Variants in XIRP2 observed in about 807,000 individuals in gnomAD.
XIRP2 encodes xin actin-binding repeat-containing protein 2.
A neutral mutation model predicts 277.0 loss-of-function variants in XIRP2; 236 were observed. The observed-to-expected ratio is 0.85, with a 90% CI of 0.77 to 0.95. The LOEUF (loss-of-function observed/expected upper bound fraction) is 0.95, where lower values mean the gene tolerates loss of function less well. XIRP2 is among the 40% of genes least tolerant of loss of function. XIRP2 has a pLI of 0.00. For synonymous variants in XIRP2, 1,490 were observed against 1,416.5 expected, an observed-to-expected ratio of 1.05 and a Z score of -1.17; for missense variants, 4,640 against 4,157.5, an observed-to-expected ratio of 1.12 and a Z score of -3.19.
Position 167,250,210 on chromosome 2 carries a change from G to A in XIRP2, c.8818G>A (p.Gly2940Ser). Residue 2940 changes from glycine (G) to serine (S), a missense_variant, in exon 9 of 11, where the codon GGT becomes AGT. Gly to Ser is a moderately conservative substitution (Grantham distance 56). Coordinates refer to ENST00000409195, the MANE Select transcript of XIRP2 (RefSeq NM_152381.6). Reference protein sequence around the residue: ...VKESQRDDGKGALNIVEFLRK... With the variant: ...VKESQRDDGKSALNIVEFLRK... ...AGAATCCCAGCGGGATGATGGAAAAGGTGCCTTAAATATAGTGGAATTCTT... is the reference window on the plus strand; with the variant it reads ...AGAATCCCAGCGGGATGATGGAAAAAGTGCCTTAAATATAGTGGAATTCTT... 1 of 1,613,544 alleles carries A rather than the reference G, an allele frequency of 6.2e-7. No individual in the cohort carries two copies. The highest frequency in any genetic ancestry group is 8.5e-7 in the Non-Finnish European group (1 of 1,179,688).
chr2:166,946,327 T>C (rs1685861905), intron 2 of XIRP2, among the ~76,000 whole-genome samples: 1 of 152,336 alleles, frequency 6.6e-6, no homozygotes, highest in Non-Finnish European at 1.5e-5. Context: ...ATAAGAGCAC[T>C]GTGTCCTTAG....
intron 2 of XIRP2, among the ~76,000 whole-genome samples, chr2:167,071,449 C>T (rs968095851): frequency 1.3e-5 from 2 of 152,146 alleles, no homozygotes; most frequent in African/African-American, 4.8e-5. Context: ...AACAAGCCTG[C>T]CAAGACACCT....
At chr2:167,240,766 C>T (rs1435178325) in intron 7 of XIRP2, 30 bp downstream of exon 7, 9 of 1,565,460 alleles carry the variant, frequency 5.7e-6, no homozygotes, top group Non-Finnish European at 7.9e-6. Flanking sequence ...GGTTCCAATA[C>T]TCCTTTCTCC....
In XIRP2 at chr2:167,218,299, A is replaced by C; in HGVS notation, c.857A>C (p.Gln286Pro). ...YQYQHQNRSE[Q>P]EAIHSSQVGT... is the part of the protein sequence containing the mutation. ...TATCAACATCAGAACAGATCTGAGC[A>C]GGTAATACTACTACAGGTGATGGGT... Residue 286 changes from glutamine (Q) to proline (P), a missense_variant and splice_region_variant, in exon 5 of 11, where the codon CAG (glutamine) becomes CCG (proline). Transcript: ENST00000409195. The C allele has an allele frequency of 6.6e-7, 1 of 1,509,564 alleles. No individual in the cohort carries two copies. Among genetic ancestry groups the C allele is most frequent in the Non-Finnish European group, 8.9e-7 (1 of 1,124,380 alleles). The allele number at this position is 1,509,564 out of a possible 1,614,324, so 93.5% of individuals were successfully genotyped here.
At chr2:167,050,483 T>C (rs1010369967) in intron 2 of XIRP2, among the ~76,000 whole-genome samples, 3 of 151,950 alleles carry the variant, frequency 2.0e-5, no homozygotes, top group Non-Finnish European at 4.4e-5. Flanking sequence ...AGTATGAAAA[T>C]TGGATTGCAT....
At chr2:167,213,197 G>A (rs1350118088) in intron 4 of XIRP2, among the ~76,000 whole-genome samples, 1 of 152,156 alleles carries the variant, frequency 6.6e-6, no homozygotes, top group Non-Finnish European at 1.5e-5. Flanking sequence ...AGTAACACTT[G>A]TTGAGCAATG....
chr2:167,194,520 C>G (rs147147522), intron 3 of XIRP2, among the ~76,000 whole-genome samples: 1 of 152,132 alleles, frequency 6.6e-6, no homozygotes, highest in Non-Finnish European at 1.5e-5. Context: ...GTAACCCCAG[C>G]ATTATAACCA....
At chr2:167,136,095 A>T (rs774588506) in intron 3 of XIRP2, 33 bp downstream of exon 3, 1 of 1,556,056 alleles carries the variant, frequency 6.4e-7, no homozygotes, top group Admixed American at 2.0e-5. Flanking sequence ...CTTTCTTGAC[A>T]TCATACCTTG....
intron 3 of XIRP2, among the ~76,000 whole-genome samples, chr2:167,203,255 A>G (rs1693771536): frequency 6.6e-6 from 1 of 152,196 alleles, no homozygotes; most frequent in Non-Finnish European, 1.5e-5. Context: ...TCTTCCTCTA[A>G]CAGGCAACTG....
chr2:167,179,785 ATGT>A (rs1692960615), intron 3 of XIRP2, among the ~76,000 whole-genome samples: 1 of 152,006 alleles, frequency 6.6e-6, no homozygotes, highest in African/African-American at 2.4e-5. Flanking sequence ...GACTATAGGC[ATGT>A]GCCACTGCAC....
chr2:167,032,714 T>C (rs926128095), intron 2 of XIRP2, among the ~76,000 whole-genome samples: 12 of 152,066 alleles, frequency 7.9e-5, no homozygotes, highest in Non-Finnish European at 1.2e-4. Context: ...TCACTGATAT[T>C]AGAGAAATGC....
chr2:167,204,401 T>C (rs1693801409), intron 3 of XIRP2, among the ~76,000 whole-genome samples: 1 of 152,210 alleles, frequency 6.6e-6, no homozygotes, highest in East Asian at 1.9e-4. Context: ...ATTTTGTTTG[T>C]TGTTGAACAA....
At chr2:166,919,265 G>C (rs931956546) in intron 2 of XIRP2, among the ~76,000 whole-genome samples, 2 of 152,160 alleles carry the variant, frequency 1.3e-5, no homozygotes, top group African/African-American at 4.8e-5. Context: ...AGTGGTGAGT[G>C]AATGTTATAA....
chr2:167,091,124 G>T (rs575172623), intron 2 of XIRP2, among the ~76,000 whole-genome samples: 31 of 152,170 alleles, frequency 2.0e-4, no homozygotes, highest in South Asian at 6.2e-4. Flanking sequence ...AATGTGAGCT[G>T]GAATGCTACT....
At position 167,009,155 on chromosome 2, in the gene XIRP2, T is replaced by A. The variant is rs970725871; in HGVS notation, c.408+105265T>A. 2.8e-4 allele frequency among the ~76,000 whole-genome samples: 43 copies of A among 151,742 alleles called. 1 individual carries two copies. The highest frequency in any genetic ancestry group is 1.0e-3 in the African/African-American group (43 of 41,352). The stretch of plus-strand genomic sequence containing the variant: ...GTATACATGTGCCCTGCTGGTGTGC[T>A]GCATCCATTAACTCATCATTTAGCA... On this transcript the variant is annotated intron_variant, in intron 2 of 10. Transcript: ENST00000409195.
chr2:166,959,722 C>A (rs772423198), intron 2 of XIRP2, among the ~76,000 whole-genome samples: 1 of 151,744 alleles, frequency 6.6e-6, no homozygotes, highest in Non-Finnish European at 1.5e-5. Flanking sequence ...GACTTTAATA[C>A]CCTCATTGTA....
At chr2:167,206,545 GT>G (rs1693857253) in intron 3 of XIRP2, among the ~76,000 whole-genome samples, 1 of 152,122 alleles carries the variant, frequency 6.6e-6, no homozygotes, top group Non-Finnish European at 1.5e-5. Flanking sequence ...AAAATCAGAC[GT>G]GGCTCATATC....
chr2:167,148,655 G>C (rs951803461), intron 3 of XIRP2, among the ~76,000 whole-genome samples: 1 of 152,054 alleles, frequency 6.6e-6, no homozygotes, highest in Non-Finnish European at 1.5e-5. Flanking sequence ...AGATTGTCAG[G>C]TTGGAATTTT....
At chr2:167,215,585 G>A (rs569169509) in intron 4 of XIRP2, among the ~76,000 whole-genome samples, 2 of 152,266 alleles carry the variant, frequency 1.3e-5, no homozygotes, top group South Asian at 4.1e-4. Context: ...CCCAGTCCAT[G>A]GTATAGAAAC....
Sources: gnomAD v4.1 joint callset for allele counts (sites outside exome capture counted in the v4.1 genomes callset) on GRCh38, gnomAD v4.1.1 for gene constraint, MANE v1.5 for transcripts, NCBI Gene and HGNC (gene_info 2026-07-23, HGNC 2026-07-21) for gene names.